ASNS: variants seen among roughly 807,000 people sequenced by gnomAD.
ASNS encodes the protein asparagine synthetase [glutamine-hydrolyzing].
ASNS carries 37 observed loss-of-function variants against 62.6 expected under a neutral mutation model. That is an observed-to-expected ratio of 0.59 (90% CI 0.45 to 0.78). The LOEUF (loss-of-function observed/expected upper bound fraction) is 0.78. Among genes scored for constraint, ASNS ranks in the 30% least tolerant of loss-of-function variants. ASNS has a pLI of 0.00. For synonymous variants in ASNS, 207 were observed against 237.9 expected (o/e 0.87, Z 1.19); for missense variants, 520 against 682.4 (o/e 0.76, Z 2.65).
At chr7:97,908,725 A>G in the ASNS span, 1 of 152,212 alleles carries the variant, frequency 6.6e-6, no homozygotes, top group Non-Finnish European at 1.5e-5. Context: ...ATTTTTTAAA[A>G]CACAACATTT....
the ASNS span, among the ~76,000 whole-genome samples, chr7:97,910,418 A>G: frequency 2.0e-5 from 3 of 152,198 alleles, no homozygotes; most frequent in Non-Finnish European, 4.4e-5. Context: ...TATTTACAAT[A>G]CTTAGAATAA....
the ASNS span, among the ~76,000 whole-genome samples, chr7:97,903,251 T>G: frequency 5.3e-5 from 8 of 152,042 alleles, no homozygotes; most frequent in African/African-American, 1.7e-4. Context: ...AGTTTTTTTT[T>G]TTTTTTTTAA....
At chr7:97,927,071 CTTTTTTT>C in the ASNS span, among the ~76,000 whole-genome samples, 33 of 40,524 alleles carry the variant, frequency 8.1e-4, no homozygotes, top group African/African-American at 2.2e-3. Context: ...CCACACCTGG[CTTTTTTT>C]TTTTTTTTTT....
chr7:97,928,127 C>A, the ASNS span: 2 of 1,529,494 alleles, frequency 1.3e-6, no homozygotes, highest in African/African-American at 1.4e-5. Flanking sequence ...CCTCCCTGCC[C>A]GGCCGCGGCG....
At chr7:97,894,485 A>T in the ASNS span, among the ~76,000 whole-genome samples, 1 of 130,832 alleles carries the variant, frequency 7.6e-6, no homozygotes, top group East Asian at 2.2e-4. Context: ...CTAACCAAAA[A>T]AAAAAAAAAA....
rs202177455 is a variant in ASNS, at chr7:97,854,550, T to C, written c.1238+30A>G. The C allele has an allele frequency of 1.4e-4, 217 of 1,589,468 alleles. No homozygotes were observed. The African/African-American group carries it at 2.6e-3, about 19-fold the overall frequency. On this transcript the variant is annotated intron_variant, in intron 10 of 12. Transcript: ENST00000394308. ...TTTTGTTTTTGGTGTTTTTTTGTTT[T>C]TGTTTTACAATAGCCTCTAAAAATA...
At chr7:97,894,717 T>C in the ASNS span, among the ~76,000 whole-genome samples, 1 of 152,252 alleles carries the variant, frequency 6.6e-6, no homozygotes, top group South Asian at 2.1e-4. Flanking sequence ...AATAGCAGGT[T>C]TGACTCAGTA....
intron 4 of ASNS, among the ~76,000 whole-genome samples, chr7:97,859,864 C>T (rs1337897927): frequency 6.6e-6 from 1 of 152,160 alleles, no homozygotes; most frequent in African/African-American, 2.4e-5. Flanking sequence ...TACAATGATC[C>T]ACTTTTACCT....
chr7:97,891,650 G>A, the ASNS span, among the ~76,000 whole-genome samples: 2 of 152,206 alleles, frequency 1.3e-5, no homozygotes, highest in African/African-American at 4.8e-5. Flanking sequence ...AGGGGCTACA[G>A]GACCCATGCA....
intron 6 of ASNS, 129 bp downstream of exon 6, chr7:97,858,725 T>A: frequency 1.1e-6 from 1 of 932,412 alleles, no homozygotes; most frequent in Non-Finnish European, 1.6e-6. Flanking sequence ...AAAAATCATT[T>A]CCATCCTATA....
At chr7:97,893,550 G>A in the ASNS span, among the ~76,000 whole-genome samples, 1 of 152,182 alleles carries the variant, frequency 6.6e-6, no homozygotes, top group Non-Finnish European at 1.5e-5. Flanking sequence ...CACACAAACA[G>A]AAATCAAAAA....
chr7:97,909,355 A>G, the ASNS span, among the ~76,000 whole-genome samples: 494 of 132,494 alleles, frequency 3.7e-3, 5 homozygotes, highest in African/African-American at 0.014. Flanking sequence ...CCAGGCTGGA[A>G]TGCTGTGCAG....
the ASNS span, among the ~76,000 whole-genome samples, chr7:97,923,896 T>C: frequency 3.3e-5 from 5 of 152,332 alleles, no homozygotes; most frequent in African/African-American, 1.2e-4. Flanking sequence ...CCAGCATCCC[T>C]GGCAGGGACC....
At chr7:97,900,713 A>G in the ASNS span, among the ~76,000 whole-genome samples, 3 of 151,998 alleles carry the variant, frequency 2.0e-5, no homozygotes, top group Non-Finnish European at 4.4e-5. Context: ...AGTTGCTCAG[A>G]AAAAAAATCA....
At position 97,853,054 on chromosome 7, in the gene ASNS, T is replaced by A; in HGVS notation, c.1476+6A>T. ...ATTCCTGAAAATGTTTTTAAAGACA[T>A]TATACCTGATGTTCAACGTATTCCT... On this transcript the variant is annotated splice_donor_region_variant and intron_variant, in intron 12 of 12. Coordinates refer to ENST00000394308, the MANE Select transcript of ASNS (RefSeq NM_001673.5). 1 of 1,558,120 alleles carries A rather than the reference T, an allele frequency of 6.4e-7. No homozygotes were observed. The highest frequency in any genetic ancestry group is 8.7e-7 in the Non-Finnish European group (1 of 1,156,006).
At position 97,858,963 on chromosome 7, in the gene ASNS, C is replaced by T. The variant is rs537943182; in HGVS notation, c.674-8G>A. The T allele has an allele frequency of 3.1e-6, 5 of 1,601,232 alleles. No individual in the cohort carries two copies. The African/African-American group carries it at 5.4e-5, about 17-fold the overall frequency. The stretch of plus-strand genomic sequence containing the variant: ...CAGTTTCTATCTCAAAACCTATAAA[C>T]ACAGCAGTAAATCAAACAGCTCCAG... On this transcript the variant is annotated splice_region_variant and splice_polypyrimidine_tract_variant and intron_variant, in intron 5 of 12. Coordinates refer to ENST00000394308, the MANE Select transcript of ASNS (RefSeq NM_001673.5).
the ASNS span, among the ~76,000 whole-genome samples, chr7:97,914,876 G>A: frequency 6.6e-6 from 1 of 152,224 alleles, no homozygotes; most frequent in Non-Finnish European, 1.5e-5. Context: ...CAGGTGGGAA[G>A]CAGGCTGTAG....
chr7:97,870,514 C>G (rs1792203269), intron 1 of ASNS, among the ~76,000 whole-genome samples: 1 of 152,032 alleles, frequency 6.6e-6, no homozygotes, highest in Non-Finnish European at 1.5e-5. Flanking sequence ...TCCGGAAAAC[C>G]AGAACCAAAT....
chr7:97,853,200 G>A lies in ASNS; in HGVS notation c.1336C>T (p.His446Tyr), dbSNP rs749209281. 11 of 1,606,800 alleles carry A rather than the reference G, an allele frequency of 6.8e-6. No homozygotes were observed. Among genetic ancestry groups the A allele is most frequent in the Non-Finnish European group, 7.6e-6 (9 of 1,177,194 alleles). ...MRIPKNGIEK[H>Y]LLRETFEDSN... ...TCCTCAAACGTCTCTCTCAGGAGAT[G>A]TTTTTCTATCCCATTCTGACGTGAC... is the stretch of plus-strand genomic sequence containing the variant. Residue 446 changes from histidine to tyrosine, a missense_variant, in exon 12 of 13, where the codon CAT becomes TAT. Transcript: ENST00000394308.
Sources: allele counts gnomAD v4.1 joint callset (sites outside exome capture counted in the v4.1 genomes callset), GRCh38; gene constraint gnomAD v4.1.1; transcripts MANE v1.5; gene names NCBI Gene and HGNC (gene_info 2026-07-23, HGNC 2026-07-21).